SRGAP2: variants seen among roughly 807,000 people sequenced by gnomAD.
The protein encoded by SRGAP2 is SLIT-ROBO Rho GTPase activating protein 2.
In SRGAP2, 15 loss-of-function variants were observed where a neutral mutation model predicts 57.2. The ratio of observed to expected loss-of-function variants is 0.26; its 90% CI spans 0.18 to 0.40. The LOEUF (loss-of-function observed/expected upper bound fraction) is 0.40, where lower values mean the gene tolerates loss of function less well. Ranked by LOEUF, SRGAP2 falls within the 10% of genes least tolerant of loss-of-function variation. The probability of loss-of-function intolerance (pLI) is 1.00; values close to 1 mark genes in which losing one functional copy is unlikely to be tolerated. For missense variants in SRGAP2, 520 were observed against 669.6 expected, an observed-to-expected ratio of 0.78 and a Z score of 2.47; for synonymous variants, 249 against 248.0, an observed-to-expected ratio of 1.00 and a Z score of -0.04.
At chr1:206,442,331 G>A (rs1662380516) in intron 17 of SRGAP2, among the ~76,000 whole-genome samples, 2 of 152,238 alleles carry the variant, frequency 1.3e-5, no homozygotes, top group African/African-American at 4.8e-5. Context: ...GTGTTCATGT[G>A]CAGCCTGGAA....
intron 4 of SRGAP2, among the ~76,000 whole-genome samples, chr1:206,344,144 C>G (rs1675439708): frequency 6.6e-6 from 1 of 150,406 alleles, no homozygotes; most frequent in Middle Eastern, 3.4e-3. Flanking sequence ...AATTAATACC[C>G]CATTTTTTTT....
chr1:206,371,359 T>C (rs1553342593), intron 4 of SRGAP2, among the ~76,000 whole-genome samples: 1 of 151,760 alleles, frequency 6.6e-6, no homozygotes, highest in African/African-American at 2.4e-5. Flanking sequence ...AATGGCATTA[T>C]TTAGGCAGAA....
intron 4 of SRGAP2, among the ~76,000 whole-genome samples, chr1:206,382,597 G>A (rs1655804086): frequency 6.6e-6 from 1 of 151,738 alleles, no homozygotes; most frequent in Non-Finnish European, 1.5e-5. Flanking sequence ...CTTAGTGGTA[G>A]GAATTTAAGA....
chr1:206,268,085 T>A (rs146047214), intron 2 of SRGAP2, among the ~76,000 whole-genome samples: 26,188 of 144,486 alleles, frequency 0.18, 2,338 homozygotes, highest in African/African-American at 0.28. Context: ...ATATATATTT[T>A]TTTTTTTTTT....
In SRGAP2 at chr1:206,453,332, A is replaced by G. The variant is rs782068780; in HGVS notation, c.2312A>G (p.Asn771Ser). Residue 771 changes from asparagine (N) to serine (S), a missense_variant, in exon 20 of 23, where the codon AAT becomes AGT. This residue lies in a region of SRGAP2 where 478 missense variants were observed against 373.6 expected (regional missense o/e 1.28). Transcript: ENST00000573034. ...GACGACTGGTGGGAAGGCCGGCACA[A>G]TGGCATCGACGGACTCATCCCCCAT... Reference protein sequence around the residue: ...ASDDWWEGRHNGIDGLIPHQY... With the variant: ...ASDDWWEGRHSGIDGLIPHQY... The G allele has an allele frequency of 8.0e-6, 6 of 752,934 alleles. No homozygotes were observed. The highest frequency in any genetic ancestry group is 3.5e-5 in the African/African-American group (2 of 57,218). 46.6% of individuals were successfully genotyped at this position (752,934 alleles called of 1,614,324 possible).
chr1:206,381,258 G>A (rs1655686076), intron 4 of SRGAP2, among the ~76,000 whole-genome samples: 1 of 151,708 alleles, frequency 6.6e-6, no homozygotes. Flanking sequence ...TAAGTCATGG[G>A]TAAGCAACAG....
At chr1:206,245,430 G>C (rs1365344760) in intron 2 of SRGAP2, among the ~76,000 whole-genome samples, 1 of 152,066 alleles carries the variant, frequency 6.6e-6, no homozygotes, top group Non-Finnish European at 1.5e-5. Context: ...GAAAGATTTT[G>C]ATGATGGTAA....
intron 21 of SRGAP2, among the ~76,000 whole-genome samples, chr1:206,458,144 T>C (rs1273061235): frequency 6.6e-6 from 1 of 152,204 alleles, no homozygotes; most frequent in Non-Finnish European, 1.5e-5. Context: ...CAACAGCCTC[T>C]TGCCAGAGCC....
At chr1:206,420,502 G>C (rs1183090708) in intron 12 of SRGAP2, among the ~76,000 whole-genome samples, 1 of 152,108 alleles carries the variant, frequency 6.6e-6, no homozygotes, top group African/African-American at 2.4e-5. Flanking sequence ...CTGAACTCTG[G>C]TTTCCTCTTA....
chr1:206,400,173 TC>T (rs1210967070), intron 7 of SRGAP2, among the ~76,000 whole-genome samples: 1 of 151,064 alleles, frequency 6.6e-6, no homozygotes, highest in Non-Finnish European at 1.5e-5. Flanking sequence ...ATGGCCTTAC[TC>T]TATGCATAGA....
At chr1:206,453,098 A>G (rs1663478143) in intron 19 of SRGAP2, 102 bp from the exon 20 acceptor site, 1 of 449,644 alleles carries the variant, frequency 2.2e-6, no homozygotes, top group African/African-American at 2.0e-5. Flanking sequence ...CCACTAAGTA[A>G]TTTCCTACCA....
chr1:206,428,624 A>G (rs1661020861), intron 13 of SRGAP2, among the ~76,000 whole-genome samples: 1 of 152,004 alleles, frequency 6.6e-6, no homozygotes, highest in Admixed American at 6.6e-5. Flanking sequence ...TGACCATAGC[A>G]GCTACTTAAC....
rs1410369414 is a variant in SRGAP2 at position 206,430,231 on chromosome 1, G to T, written c.1555+9G>T. The T allele has an allele frequency of 1.3e-6, 1 of 780,730 alleles. No individual in the cohort carries two copies. The highest frequency in any genetic ancestry group is 1.7e-5 in the Admixed American group (1 of 59,046). The allele number at this position is 780,730 out of a possible 1,614,324, so 48.4% of individuals were successfully genotyped here. On this transcript the variant is annotated intron_variant, in intron 14 of 22. Coordinates refer to ENST00000573034, the MANE Select transcript of SRGAP2 (RefSeq NM_015326.5). ...GTTTATCAGCAGACACGGTAAGCAG[G>T]ATGACAGCCTTGTCCATATTTGTGC... is the stretch of plus-strand genomic sequence containing the variant.
chr1:206,418,032 A>G (rs117126465), intron 11 of SRGAP2, among the ~76,000 whole-genome samples: 1 of 151,516 alleles, frequency 6.6e-6, no homozygotes, highest in East Asian at 2.0e-4. Flanking sequence ...ATGTGCTACT[A>G]TGGAGGGATG....
chr1:206,307,381 T>A (rs1448093965), intron 3 of SRGAP2, among the ~76,000 whole-genome samples: 4 of 152,388 alleles, frequency 2.6e-5, no homozygotes, highest in South Asian at 2.1e-4. Flanking sequence ...AGGAGCCCAG[T>A]TGGCTTCATC....
In SRGAP2 at chr1:206,324,569, G is replaced by T. The variant is rs538555008; in HGVS notation, c.261-18277G>T. On this transcript the variant is annotated intron_variant, in intron 3 of 22. Transcript: ENST00000573034. Reference sequence around the variant, plus strand: ...TTCTTCTATTGACTTTATCACTGGGGGGTGCACAATTGTGCCAGTGCCATT... The same window carrying T: ...TTCTTCTATTGACTTTATCACTGGGTGGTGCACAATTGTGCCAGTGCCATT... Among the ~76,000 whole-genome samples, 287 of 152,000 alleles carry T rather than the reference G, an allele frequency of 1.9e-3. 3 individuals are homozygous for T. Among genetic ancestry groups the T allele is most frequent in the African/African-American group, 6.8e-3 (282 of 41,470 alleles).
chr1:206,435,842 C>T (rs1553369819), intron 14 of SRGAP2, among the ~76,000 whole-genome samples: 1 of 152,238 alleles, frequency 6.6e-6, no homozygotes, highest in African/African-American at 2.4e-5. Context: ...TAGCAGCAGT[C>T]ACTATGCCAG....
rs56021600 is a variant in SRGAP2, at chr1:206,374,019, C to CTTTT, written c.424-9975_424-9972dup. On this transcript the variant is annotated intron_variant, in intron 4 of 22. Transcript: ENST00000573034. ...TGACAACTGCGGGTAGATACACATT[C>CTTTT]TTTTTTTTTTTTTTTTTTTTTTTGA... Among the ~76,000 whole-genome samples, 274 of 76,986 alleles carry CTTTT rather than the reference C, an allele frequency of 3.6e-3. 8 individuals are homozygous for CTTTT. The highest frequency in any genetic ancestry group is 5.8e-3 in the African/African-American group (105 of 17,988). The allele number at this position is 76,986 out of a possible 152,430, so 50.5% of individuals were successfully genotyped here.
intron 2 of SRGAP2, 163 bp downstream of exon 2, chr1:206,206,200 G>T: frequency 1.8e-6 from 1 of 541,200 alleles, no homozygotes; most frequent in Non-Finnish European, 3.4e-6. Context: ...CAAAGGATGG[G>T]CAATGCCAGG....
Sources: gnomAD v4.1 joint callset for allele counts (sites outside exome capture counted in the v4.1 genomes callset) on GRCh38, gnomAD v4.1.1 for gene constraint, gnomAD v4.1.1 regional missense constraint, MANE v1.5 for transcripts, NCBI Gene and HGNC (gene_info 2026-07-23, HGNC 2026-07-21) for gene names.